Variants in FAM163A observed in about 807,000 individuals in gnomAD.
FAM163A encodes the protein protein FAM163A.
A neutral mutation model predicts 12.0 loss-of-function variants in FAM163A; 7 were observed. The observed-to-expected ratio is 0.58, with a 90% CI of 0.33 to 1.10. The LOEUF (loss-of-function observed/expected upper bound fraction) is 1.10, where lower values mean the gene tolerates loss of function less well. FAM163A is among the 50% of genes least tolerant of loss of function. The probability of loss-of-function intolerance (pLI) is 0.03; values close to 1 mark genes in which losing one functional copy is unlikely to be tolerated. For missense variants in FAM163A, 202 were observed against 218.6 expected (o/e 0.92, Z 0.48); for synonymous variants, 101 against 91.0 (o/e 1.11, Z -0.62).
At chr1:179,800,132 T>A (rs1317818941) in intron 1 of FAM163A, among the ~76,000 whole-genome samples, 1 of 152,220 alleles carries the variant, frequency 6.6e-6, no homozygotes, top group Non-Finnish European at 1.5e-5. Context: ...AAGGCAGACA[T>A]GAAACAGTGT....
upstream of FAM163A, among the ~76,000 whole-genome samples, chr1:179,740,591 C>T (rs948907782): frequency 6.6e-6 from 1 of 151,996 alleles, no homozygotes; most frequent in South Asian, 2.1e-4. Flanking sequence ...CAGGTTGCTG[C>T]GTGGGAAAAA....
intron 1 of FAM163A, among the ~76,000 whole-genome samples, chr1:179,759,396 G>A (rs1686481366): frequency 6.6e-6 from 1 of 152,028 alleles, no homozygotes; most frequent in African/African-American, 2.4e-5. Context: ...AAACAAGCAG[G>A]CTACCATGAG....
chr1:179,736,322 C>T, the FAM163A span, among the ~76,000 whole-genome samples: 10 of 112,704 alleles, frequency 8.9e-5, no homozygotes, highest in Admixed American at 1.9e-4. Flanking sequence ...ATTAATACAA[C>T]TCAGTGACAA....
chr1:179,799,813 C>T (rs990878588), intron 1 of FAM163A, among the ~76,000 whole-genome samples: 4 of 152,178 alleles, frequency 2.6e-5, no homozygotes, highest in African/African-American at 9.7e-5. Flanking sequence ...CTAGCATTGT[C>T]TGTATAAAAT....
intron 1 of FAM163A, among the ~76,000 whole-genome samples, chr1:179,792,283 TTG>T (rs3075152): frequency 0.12 from 15,975 of 133,442 alleles, 1,011 homozygotes; most frequent in African/African-American, 0.2. Flanking sequence ...CCATATCTGA[TTG>T]TGTGTGTGTG....
chr1:179,805,355 T>TA (rs1693783358), intron 1 of FAM163A, among the ~76,000 whole-genome samples: 2 of 152,092 alleles, frequency 1.3e-5, no homozygotes, highest in African/African-American at 2.4e-5. Flanking sequence ...CCATTTCTAC[T>TA]AAAAATACAA....
At chr1:179,754,569 G>A (rs150614240) in intron 1 of FAM163A, among the ~76,000 whole-genome samples, 86 of 152,184 alleles carry the variant, frequency 5.7e-4, no homozygotes, top group African/African-American at 2.0e-3. Context: ...GATGAAAGAC[G>A]TAAAGATGAA....
At chr1:179,755,680 C>T (rs959403832) in intron 1 of FAM163A, among the ~76,000 whole-genome samples, 1 of 152,166 alleles carries the variant, frequency 6.6e-6, no homozygotes, top group Non-Finnish European at 1.5e-5. Flanking sequence ...ACTGTTTCTT[C>T]TTATTTCCCA....
At position 179,772,655 on chromosome 1, in the gene FAM163A, T is replaced by G. The variant is rs531189543; in HGVS notation, c.-136+29232T>G. Among the ~76,000 whole-genome samples the G allele has an allele frequency of 5.9e-5, 9 of 152,254 alleles. No homozygotes were observed. The East Asian group carries it at 1.7e-3, about 29-fold the overall frequency. ...AAAGACCTAAGACACTTTGTTGTAG[T>G]TAGGATAGGGTTTAATTGGCTATAA... is the stretch of plus-strand genomic sequence containing the variant. On this transcript the variant is annotated intron_variant, in intron 1 of 4. Transcript: ENST00000341785.
intron 1 of FAM163A, among the ~76,000 whole-genome samples, chr1:179,796,622 C>T (rs1374773458): frequency 6.6e-6 from 1 of 152,188 alleles, no homozygotes; most frequent in African/African-American, 2.4e-5. Flanking sequence ...ATCTCCCCCT[C>T]TTCTCTCATT....
At chr1:179,757,188 C>T (rs1444396842) in intron 1 of FAM163A, among the ~76,000 whole-genome samples, 1 of 152,134 alleles carries the variant, frequency 6.6e-6, no homozygotes, top group Non-Finnish European at 1.5e-5. Flanking sequence ...TGAGGAGAAG[C>T]AATGGGTTGT....
intron 1 of FAM163A, among the ~76,000 whole-genome samples, chr1:179,801,719 A>C (rs866394514): frequency 6.6e-6 from 1 of 152,220 alleles, no homozygotes; most frequent in South Asian, 2.1e-4. Context: ...TCCACTGTGC[A>C]CAACAGAGCA....
chr1:179,762,131 T>C (rs778350705), intron 1 of FAM163A, among the ~76,000 whole-genome samples: 1 of 152,124 alleles, frequency 6.6e-6, no homozygotes, highest in Non-Finnish European at 1.5e-5. Flanking sequence ...GATGGATGGA[T>C]GAATGGACAA....
chr1:179,755,559 A>G (rs1293603789), intron 1 of FAM163A, among the ~76,000 whole-genome samples: 1 of 152,214 alleles, frequency 6.6e-6, no homozygotes, highest in African/African-American at 2.4e-5. Context: ...TCGGGGTTAG[A>G]GTGAAGAATA....
the FAM163A span, among the ~76,000 whole-genome samples, chr1:179,737,496 G>T: frequency 3.9e-5 from 6 of 152,272 alleles, no homozygotes; most frequent in South Asian, 8.3e-4. Context: ...TCAGAGGGTA[G>T]ATCTCATGTT....
chr1:179,777,296 G>T (rs1220558218), intron 1 of FAM163A, among the ~76,000 whole-genome samples: 4 of 152,138 alleles, frequency 2.6e-5, no homozygotes, highest in African/African-American at 9.7e-5. Context: ...CTTGTCAAAA[G>T]CTCACTGAAG....
At chr1:179,793,968 C>G (rs974101297) in intron 1 of FAM163A, among the ~76,000 whole-genome samples, 2 of 152,170 alleles carry the variant, frequency 1.3e-5, no homozygotes, top group African/African-American at 4.8e-5. Flanking sequence ...GTGAAGAGGG[C>G]CTGGTCCTTG....
chr1:179,730,549 C>T, the FAM163A span: 1 of 152,182 alleles, frequency 6.6e-6, no homozygotes, highest in African/African-American at 2.4e-5. Context: ...CATGGGAAGA[C>T]TCAGAAGGAG....
At chr1:179,775,945 TATTA>T (rs1436014418) in intron 1 of FAM163A, among the ~76,000 whole-genome samples, 2 of 152,176 alleles carry the variant, frequency 1.3e-5, no homozygotes, top group Non-Finnish European at 2.9e-5. Flanking sequence ...GATTTATTCC[TATTA>T]ATTCTTTGCT....
Sources: gnomAD v4.1 joint callset for allele counts (sites outside exome capture counted in the v4.1 genomes callset) on GRCh38, gnomAD v4.1.1 for gene constraint, MANE v1.5 for transcripts, NCBI Gene and HGNC (gene_info 2026-07-23, HGNC 2026-07-21) for gene names.